SLC35D4: variants seen among roughly 807,000 people sequenced by gnomAD.
The protein encoded by SLC35D4 is UDP-N-acetylglucosamine transporter SLC35D4.
At chr18:23,430,423 T>G in the SLC35D4 span, among the ~76,000 whole-genome samples, 1 of 152,114 alleles carries the variant, frequency 6.6e-6, no homozygotes, top group Admixed American at 6.6e-5. Context: ...TAGTTGGAGA[T>G]CTGGCAGACT....
the SLC35D4 span, among the ~76,000 whole-genome samples, chr18:23,418,185 G>C: frequency 6.6e-6 from 1 of 151,782 alleles, no homozygotes. Flanking sequence ...CTTCTCCTTT[G>C]GATTAGCTAA....
the SLC35D4 span, among the ~76,000 whole-genome samples, chr18:23,408,561 A>G: frequency 5.3e-5 from 8 of 152,230 alleles, no homozygotes; most frequent in East Asian, 1.5e-3. Flanking sequence ...GTTGACAGCT[A>G]CTCGGTTTTC....
At chr18:23,373,746 G>T in the SLC35D4 span, 1 of 1,613,502 alleles carries the variant, frequency 6.2e-7, no homozygotes, top group African/African-American at 1.3e-5. Context: ...TCCTGCTGCG[G>T]CCAGGAGGAG....
the SLC35D4 span, chr18:23,297,226 A>C: frequency 1.3e-5 from 2 of 152,378 alleles, no homozygotes; most frequent in African/African-American, 4.8e-5. Context: ...CAATTTAAAA[A>C]TAAAAATGAG....
chr18:23,422,520 T>G, the SLC35D4 span, among the ~76,000 whole-genome samples: 1 of 152,160 alleles, frequency 6.6e-6, no homozygotes, highest in Non-Finnish European at 1.5e-5. Flanking sequence ...TCTGTCTCAA[T>G]TCAGGCTCTC....
At chr18:23,304,706 G>A in the SLC35D4 span, among the ~76,000 whole-genome samples, 1 of 152,058 alleles carries the variant, frequency 6.6e-6, no homozygotes, top group African/African-American at 2.4e-5. Flanking sequence ...CAGAGGAAGA[G>A]GGGGGAGGAA....
At chr18:23,255,259 G>C in the SLC35D4 span, among the ~76,000 whole-genome samples, 1 of 152,106 alleles carries the variant, frequency 6.6e-6, no homozygotes, top group East Asian at 1.9e-4. Context: ...GAGTCAGCAA[G>C]GCCCCAGATA....
At chr18:23,281,570 G>C in the SLC35D4 span, among the ~76,000 whole-genome samples, 1 of 152,154 alleles carries the variant, frequency 6.6e-6, no homozygotes, top group African/African-American at 2.4e-5. Context: ...CAAGCAATCT[G>C]CCTGCCGTGG....
chr18:23,246,977 G>A, the SLC35D4 span, among the ~76,000 whole-genome samples: 1 of 152,238 alleles, frequency 6.6e-6, no homozygotes, highest in African/African-American at 2.4e-5. Context: ...ACAGGTAAGA[G>A]CCACCATGCC....
At chr18:23,280,569 G>A in the SLC35D4 span, among the ~76,000 whole-genome samples, 1 of 152,208 alleles carries the variant, frequency 6.6e-6, no homozygotes, top group African/African-American at 2.4e-5. Context: ...TGACTTGGCT[G>A]TATCTTCAAG....
At chr18:23,284,198 C>T in the SLC35D4 span, among the ~76,000 whole-genome samples, 4 of 152,090 alleles carry the variant, frequency 2.6e-5, no homozygotes, top group African/African-American at 9.7e-5. Context: ...TCAATAAAGT[C>T]CTTGTGACCT....
At chr18:23,352,078 A>G in the SLC35D4 span, 1 of 743,360 alleles carries the variant, frequency 1.3e-6, no homozygotes, top group South Asian at 2.2e-5. Flanking sequence ...GATCAGGCTC[A>G]GGGACAGCGC....
chr18:23,286,630 A>G, the SLC35D4 span, among the ~76,000 whole-genome samples: 3 of 151,772 alleles, frequency 2.0e-5, no homozygotes, highest in African/African-American at 7.3e-5. Context: ...CTTAATCAAT[A>G]TGGAGGCTAC....
chr18:23,288,319 G>A, the SLC35D4 span, among the ~76,000 whole-genome samples: 10 of 152,130 alleles, frequency 6.6e-5, no homozygotes, highest in Admixed American at 1.3e-4. Context: ...CCACTAGCCC[G>A]CCTCTTAGAA....
chr18:23,376,429 T>A, the SLC35D4 span, among the ~76,000 whole-genome samples: 8 of 152,224 alleles, frequency 5.3e-5, no homozygotes, highest in Non-Finnish European at 1.2e-4. Context: ...CAGGACAACA[T>A]GGAGCAGCCT....
At chr18:23,353,611 T>A in the SLC35D4 span, among the ~76,000 whole-genome samples, 5 of 152,218 alleles carry the variant, frequency 3.3e-5, no homozygotes, top group East Asian at 7.7e-4. Context: ...CATGTGTATT[T>A]CAGCCTGTTT....
chr18:23,402,425 A>G, the SLC35D4 span, among the ~76,000 whole-genome samples: 1 of 152,216 alleles, frequency 6.6e-6, no homozygotes, highest in African/African-American at 2.4e-5. Context: ...CAATCCACAC[A>G]CAAACGAAAA....
At chr18:23,256,395 G>T in the SLC35D4 span, among the ~76,000 whole-genome samples, 1 of 152,248 alleles carries the variant, frequency 6.6e-6, no homozygotes, top group African/African-American at 2.4e-5. Context: ...ATCCTTGTAA[G>T]ATGAAAGGAC....
At chr18:23,317,997 CAA>C in the SLC35D4 span, among the ~76,000 whole-genome samples, 1 of 152,204 alleles carries the variant, frequency 6.6e-6, no homozygotes, top group Admixed American at 6.5e-5. Flanking sequence ...CTTGGCCTCC[CAA>C]AGTGCTGGGA....
Sources: allele counts gnomAD v4.1 joint callset (sites outside exome capture counted in the v4.1 genomes callset), GRCh38; gene constraint gnomAD v4.1.1; transcripts MANE v1.5; gene names NCBI Gene and HGNC (gene_info 2026-07-23, HGNC 2026-07-21).